PLD1: variants seen among roughly 807,000 people sequenced by gnomAD.
The protein encoded by PLD1 is phospholipase D1.
PLD1 carries 112 observed loss-of-function variants against 137.1 expected under a neutral mutation model. That is an observed-to-expected ratio of 0.82 (90% CI 0.70 to 0.96). The LOEUF is 0.96. Ranked by LOEUF, PLD1 falls within the 40% of genes least tolerant of loss-of-function variation. PLD1 has a pLI of 0.00. For missense variants in PLD1, 1,321 were observed against 1,342.0 expected (o/e 0.98, Z 0.24); for synonymous variants, 431 against 454.7 (o/e 0.95, Z 0.66).
At chr3:171,633,008 C>T (rs1347057596) in intron 23 of PLD1, among the ~76,000 whole-genome samples, 1 of 152,110 alleles carries the variant, frequency 6.6e-6, no homozygotes, top group African/African-American at 2.4e-5. Context: ...GGGAAGAGAC[C>T]TAACAGTTGG....
intron 8 of PLD1, among the ~76,000 whole-genome samples, chr3:171,719,363 G>A (rs9290432): frequency 0.5 from 76,284 of 152,012 alleles, 20,580 homozygotes; most frequent in African/African-American, 0.71. Context: ...ACAGCGTAAG[G>A]TCCCTGGGAA....
intron 21 of PLD1, among the ~76,000 whole-genome samples, chr3:171,650,281 T>C (rs1736616722): frequency 6.6e-6 from 1 of 152,122 alleles, no homozygotes. Context: ...AATGTGAGGA[T>C]ATGAGAGCCA....
chr3:171,806,635 T>C (rs1161172198), intron 1 of PLD1, among the ~76,000 whole-genome samples: 1 of 152,244 alleles, frequency 6.6e-6, no homozygotes, highest in Non-Finnish European at 1.5e-5. Context: ...AGACATATCT[T>C]ATGTGTTGGG....
chr3:171,673,340 G>A (rs1413947466), intron 19 of PLD1, among the ~76,000 whole-genome samples: 2 of 151,748 alleles, frequency 1.3e-5, no homozygotes, highest in African/African-American at 4.8e-5. Context: ...GGACTGCAGT[G>A]GTGTAGTCTC....
intron 16 of PLD1, among the ~76,000 whole-genome samples, chr3:171,684,770 A>G (rs1714378750): frequency 6.6e-6 from 1 of 152,034 alleles, no homozygotes; most frequent in Non-Finnish European, 1.5e-5. Context: ...TAATTTTTGT[A>G]GAGAGGGGGT....
chr3:171,746,516 A>G (rs577502334), intron 1 of PLD1, among the ~76,000 whole-genome samples: 1 of 151,922 alleles, frequency 6.6e-6, no homozygotes, highest in African/African-American at 2.4e-5. Flanking sequence ...TGTAAATACA[A>G]CAATCAGCAC....
At chr3:171,678,483 G>A (rs1442195025) in intron 16 of PLD1, among the ~76,000 whole-genome samples, 6 of 152,116 alleles carry the variant, frequency 3.9e-5, no homozygotes, top group African/African-American at 1.2e-4. Context: ...ATTGACTTAC[G>A]GCTAAATACA....
At chr3:171,706,822 G>A (rs568974154) in intron 11 of PLD1, among the ~76,000 whole-genome samples, 3 of 152,256 alleles carry the variant, frequency 2.0e-5, no homozygotes, top group South Asian at 4.2e-4. Flanking sequence ...TAGTGCAGTC[G>A]TGAAAAATAA....
In PLD1 at chr3:171,674,546, T is replaced by A. The variant is rs1487461688; in HGVS notation, c.2183A>T (p.His728Leu). ...CCCAGGCACTTGATATCTCAACTCATGGGCTGTTGTTTGAGACTTTGGAAG... is the reference window on the plus strand; with the variant it reads ...CCCAGGCACTTGATATCTCAACTCAAGGGCTGTTGTTTGAGACTTTGGAAG... Reference protein sequence around the residue: ...FLLPKSQTTAHELRYQVPGSV... With the variant: ...FLLPKSQTTALELRYQVPGSV... The change falls in exon 19 of 27, where the codon CAT becomes CTT. Residue 728 changes from histidine (H) to leucine (L), a missense_variant. By Grantham distance (99) the His-to-Leu change is moderately conservative. Transcript: ENST00000351298. The A allele has an allele frequency of 1.9e-6, 3 of 1,611,412 alleles. No homozygotes were observed. The African/African-American group carries it at 4.0e-5, about 22-fold the overall frequency.
chr3:171,627,899 G>C (rs1258404858), intron 23 of PLD1, among the ~76,000 whole-genome samples: 2 of 151,968 alleles, frequency 1.3e-5, no homozygotes, highest in African/African-American at 4.8e-5. Context: ...ATGCCCACAA[G>C]AGAAAGCAGG....
In PLD1 at chr3:171,738,064, C is replaced by T; in HGVS notation, c.-13G>A. 5.6e-6 allele frequency: 9 copies of T among 1,608,378 alleles called. No homozygotes were observed. The highest frequency in any genetic ancestry group is 7.6e-6 in the Non-Finnish European group (9 of 1,177,190). ...TTTTCAGTGACATGTTAACTTTGGA[C>T]AGAGTAAAAGCAAAGGGGCTAGGAA... is the stretch of plus-strand genomic sequence containing the variant. On this transcript the variant is annotated 5_prime_UTR_variant, in exon 2 of 27. Transcript: ENST00000351298.
intron 13 of PLD1, among the ~76,000 whole-genome samples, chr3:171,691,670 T>C (rs1396120113): frequency 6.6e-6 from 1 of 152,172 alleles, no homozygotes; most frequent in Non-Finnish European, 1.5e-5. Context: ...AATGAATAAA[T>C]AATATATATA....
intron 3 of PLD1, 81 bp from the exon 4 acceptor site, chr3:171,735,718 G>C (rs1470690639): frequency 2.6e-6 from 2 of 760,578 alleles, no homozygotes; most frequent in Non-Finnish European, 2.2e-6. Flanking sequence ...TATTTAACTA[G>C]TAACAGAGAA....
At chr3:171,649,187 A>G (rs946729606) in intron 21 of PLD1, among the ~76,000 whole-genome samples, 2 of 152,206 alleles carry the variant, frequency 1.3e-5, no homozygotes, top group African/African-American at 4.8e-5. Context: ...TAAAAATATT[A>G]TAAAACATTC....
At chr3:171,669,401 CTT>C (rs547298409) in intron 19 of PLD1, among the ~76,000 whole-genome samples, 3 of 152,052 alleles carry the variant, frequency 2.0e-5, no homozygotes, top group Admixed American at 6.6e-5. Flanking sequence ...TTGTTGCAAA[CTT>C]TTTTTGTTTT....
At chr3:171,775,599 T>C (rs1722561168) in intron 1 of PLD1, among the ~76,000 whole-genome samples, 1 of 151,772 alleles carries the variant, frequency 6.6e-6, no homozygotes, top group African/African-American at 2.4e-5. Context: ...TCCCAGCACT[T>C]TGGGAGGCTG....
intron 5 of PLD1, 48 bp from the exon 6 acceptor site, chr3:171,733,557 T>A (rs1402394922): frequency 1.3e-6 from 1 of 745,984 alleles, no homozygotes; most frequent in East Asian, 2.5e-5. Flanking sequence ...CATATTTATT[T>A]TTAAAAATTA....
At chr3:171,698,805 A>G (rs1205183924) in intron 12 of PLD1, among the ~76,000 whole-genome samples, 1 of 127,850 alleles carries the variant, frequency 7.8e-6, no homozygotes, top group African/African-American at 3.1e-5. Flanking sequence ...TAAAAATACA[A>G]AAATACAAAA....
chr3:171,764,990 G>GA (rs1361498163), intron 1 of PLD1: 3 of 139,576 alleles, frequency 2.1e-5, no homozygotes, highest in African/African-American at 8.1e-5. Flanking sequence ...AAGAAAGAAA[G>GA]AAAGAAAGAA....
Sources: allele counts gnomAD v4.1 joint callset (sites outside exome capture counted in the v4.1 genomes callset), GRCh38; gene constraint gnomAD v4.1.1; transcripts MANE v1.5; gene names NCBI Gene and HGNC (gene_info 2026-07-23, HGNC 2026-07-21).